Variants in DIP2C observed in about 807,000 individuals in gnomAD.
DIP2C encodes disco-interacting protein 2 homolog C.
DIP2C carries 33 observed loss-of-function variants against 192.4 expected under a neutral mutation model. That is an observed-to-expected ratio of 0.17 (90% CI 0.13 to 0.23). DIP2C has a LOEUF of 0.23. Among genes scored for constraint, DIP2C ranks in the 10% least tolerant of loss-of-function variants. DIP2C has a pLI of 1.00. For missense variants in DIP2C, 1,537 were observed against 2,110.1 expected, an observed-to-expected ratio of 0.73 and a Z score of 5.32; for synonymous variants, 979 against 864.1, an observed-to-expected ratio of 1.13 and a Z score of -2.33.
chr10:291,844 G>A (rs149759989), intron 32 of DIP2C, among the ~76,000 whole-genome samples: 150 of 152,356 alleles, frequency 9.8e-4, no homozygotes, highest in African/African-American at 3.2e-3. Context: ...ACACCAAGGC[G>A]TTGCCTGGCA....
chr10:319,438 C>T (rs142675133), intron 31 of DIP2C, among the ~76,000 whole-genome samples: 15 of 152,206 alleles, frequency 9.9e-5, no homozygotes, highest in East Asian at 3.9e-4. Context: ...TAAACAACCG[C>T]GGTCTCTTTT....
At chr10:605,868 C>T (rs1015862822) in intron 1 of DIP2C, among the ~76,000 whole-genome samples, 3 of 152,232 alleles carry the variant, frequency 2.0e-5, no homozygotes, top group South Asian at 4.1e-4. Context: ...GAAAACCGGG[C>T]AGAGACTCTC....
rs1447323784 is a variant in DIP2C, at chr10:415,897, C to T, written c.740-9G>A. 2 of 1,613,284 alleles carry T rather than the reference C, an allele frequency of 1.2e-6. No individual in the cohort carries two copies. Among genetic ancestry groups the T allele is most frequent in the Non-Finnish European group, 1.7e-6 (2 of 1,179,780 alleles). On this transcript the variant is annotated splice_polypyrimidine_tract_variant and intron_variant, in intron 6 of 36. Coordinates refer to ENST00000280886, the MANE Select transcript of DIP2C (RefSeq NM_014974.3). ...GCTACTTACTGGTACTCCTGAAAAA[C>T]AGGAATCAGCGGGTGGGGAAAGCGA... is the stretch of plus-strand genomic sequence containing the variant.
At chr10:518,698 G>A (rs1318540562) in intron 1 of DIP2C, among the ~76,000 whole-genome samples, 3 of 152,154 alleles carry the variant, frequency 2.0e-5, no homozygotes, top group African/African-American at 4.8e-5. Flanking sequence ...AATTCCTGTT[G>A]TTTAGAGGCC....
intron 1 of DIP2C, among the ~76,000 whole-genome samples, chr10:645,976 T>A (rs948602340): frequency 2.6e-5 from 4 of 152,228 alleles, no homozygotes; most frequent in Admixed American, 6.5e-5. Context: ...GTATCATTAC[T>A]CTTTAAATTT....
chr10:662,473 A>G (rs1346225884), intron 1 of DIP2C, among the ~76,000 whole-genome samples: 1 of 152,208 alleles, frequency 6.6e-6, no homozygotes, highest in East Asian at 1.9e-4. Flanking sequence ...GCACCCCCAC[A>G]GCTGGGCCCC....
chr10:573,573 C>T (rs1331845087), intron 1 of DIP2C, among the ~76,000 whole-genome samples: 1 of 152,132 alleles, frequency 6.6e-6, no homozygotes, highest in African/African-American at 2.4e-5. Flanking sequence ...TCACACCCAG[C>T]TAATTTTTGT....
chr10:287,686 A>G (rs903621298), intron 33 of DIP2C, among the ~76,000 whole-genome samples: 7 of 151,788 alleles, frequency 4.6e-5, no homozygotes, highest in Non-Finnish European at 8.8e-5. Context: ...AAAAAAAAAA[A>G]AGAGTCTTTA....
rs141384399 is a variant in DIP2C, at chr10:275,607, T to C, written c.*1718A>G. 6.6e-6 allele frequency: 1 copy of C among 151,442 alleles called. No homozygotes were observed. The highest frequency in any genetic ancestry group is 1.5e-5 in the Non-Finnish European group (1 of 67,952). The allele number at this position is 151,442 out of a possible 1,614,324, so 9.4% of individuals were successfully genotyped here. ...ACGCTGCCCACAACATAATGAAAGATCATCTACATTTTGCCCAGCATCAAT... is the reference window on the plus strand; with the variant it reads ...ACGCTGCCCACAACATAATGAAAGACCATCTACATTTTGCCCAGCATCAAT... On this transcript the variant is annotated 3_prime_UTR_variant, in exon 37 of 37. Transcript: ENST00000280886.
intron 1 of DIP2C, among the ~76,000 whole-genome samples, chr10:606,815 A>T (rs928905596): frequency 6.6e-6 from 1 of 150,732 alleles, no homozygotes; most frequent in Non-Finnish European, 1.5e-5. Context: ...ACACACGCAC[A>T]TCTGACATCT....
At chr10:656,540 T>C (rs1352576459) in intron 1 of DIP2C, among the ~76,000 whole-genome samples, 1 of 152,264 alleles carries the variant, frequency 6.6e-6, no homozygotes, top group Middle Eastern at 3.2e-3. Flanking sequence ...CATTTCATGA[T>C]AATCAATGCC....
chr10:423,521 C>T (rs1044235090), intron 4 of DIP2C, among the ~76,000 whole-genome samples: 1 of 151,988 alleles, frequency 6.6e-6, no homozygotes, highest in Admixed American at 6.6e-5. Context: ...ATTTCTATGT[C>T]GGTGTGTGTG....
intron 1 of DIP2C, among the ~76,000 whole-genome samples, chr10:559,411 TTTG>T (rs1480916783): frequency 1.3e-5 from 2 of 152,150 alleles, no homozygotes; most frequent in Middle Eastern, 3.4e-3. Context: ...ACAGGGGTCT[TTTG>T]TTGTTTTTGT....
At chr10:479,695 A>G (rs1843442657) in intron 2 of DIP2C, among the ~76,000 whole-genome samples, 3 of 152,222 alleles carry the variant, frequency 2.0e-5, no homozygotes, top group South Asian at 4.1e-4. Flanking sequence ...ACATCAGTAT[A>G]TATTTGCTTA....
intron 2 of DIP2C, among the ~76,000 whole-genome samples, chr10:481,213 C>T (rs1843583108): frequency 6.6e-6 from 1 of 152,246 alleles, no homozygotes; most frequent in East Asian, 1.9e-4. Flanking sequence ...CCCAGGTGAA[C>T]AGGCCAGGGC....
intron 3 of DIP2C, 101 bp from the exon 4 acceptor site, chr10:441,097 G>A: frequency 7.4e-7 from 1 of 1,356,142 alleles, no homozygotes; most frequent in Middle Eastern, 2.2e-4. Context: ...TCCACCTTCT[G>A]AAACTCACCA....
Position 578,326 on chromosome 10 carries a change from A to C in DIP2C, c.86-91796T>G, listed in dbSNP as rs545653963. Among the ~76,000 whole-genome samples, 50 of 152,368 alleles carry C rather than the reference A, an allele frequency of 3.3e-4. 1 individual carries two copies. In the South Asian group the frequency reaches 7.3e-3, roughly 22 times the overall value. On this transcript the variant is annotated intron_variant, in intron 1 of 36. Coordinates refer to ENST00000280886, the MANE Select transcript of DIP2C (RefSeq NM_014974.3). ...AAATACTCCACGAATAAAGAACAGT[A>C]GAAAATGAACACGTTTCCTGATGAG...
intron 1 of DIP2C, among the ~76,000 whole-genome samples, chr10:603,529 G>C (rs926337703): frequency 1.3e-5 from 2 of 152,046 alleles, no homozygotes; most frequent in African/African-American, 4.8e-5. Context: ...CCTGGAACAA[G>C]ACCATACTGT....
chr10:616,187 C>T (rs982795789), intron 1 of DIP2C, among the ~76,000 whole-genome samples: 2 of 152,118 alleles, frequency 1.3e-5, no homozygotes, highest in Admixed American at 6.5e-5. Context: ...CTAAATTCCT[C>T]GATTTTATCA....
Sources: gnomAD v4.1 joint callset for allele counts (sites outside exome capture counted in the v4.1 genomes callset) on GRCh38, gnomAD v4.1.1 for gene constraint, MANE v1.5 for transcripts, NCBI Gene and HGNC (gene_info 2026-07-23, HGNC 2026-07-21) for gene names.